Variants in CCSER1 observed in about 807,000 individuals in gnomAD.
CCSER1 encodes serine-rich coiled-coil domain-containing protein 1.
CCSER1 carries 41 observed loss-of-function variants against 82.0 expected under a neutral mutation model. That is an observed-to-expected ratio of 0.50 (90% CI 0.39 to 0.65). The LOEUF (loss-of-function observed/expected upper bound fraction) is 0.65. Among genes scored for constraint, CCSER1 ranks in the 30% least tolerant of loss-of-function variants. CCSER1 has a pLI of 0.00. For missense variants in CCSER1, 1,119 were observed against 1,064.2 expected, an observed-to-expected ratio of 1.05 and a Z score of -0.72; for synonymous variants, 414 against 383.9, an observed-to-expected ratio of 1.08 and a Z score of -0.92.
chr4:90,184,340 G>T (rs944447823), intron 1 of CCSER1, among the ~76,000 whole-genome samples: 1 of 152,130 alleles, frequency 6.6e-6, no homozygotes, highest in African/African-American at 2.4e-5. Context: ...AGAAAGATTT[G>T]CACCAAAGAG....
chr4:91,082,126 A>G (rs1722829251), intron 9 of CCSER1, among the ~76,000 whole-genome samples: 1 of 152,198 alleles, frequency 6.6e-6, no homozygotes, highest in Non-Finnish European at 1.5e-5. Flanking sequence ...AAGCCAAAAG[A>G]ACAAAGTTGG....
intron 5 of CCSER1, among the ~76,000 whole-genome samples, chr4:90,507,432 CA>C (rs1770858026): frequency 6.6e-6 from 1 of 151,628 alleles, no homozygotes; most frequent in Non-Finnish European, 1.5e-5. Context: ...CAAACTGTGA[CA>C]GTTAATCTCT....
chr4:90,407,388 G>T (rs985718691), intron 4 of CCSER1, among the ~76,000 whole-genome samples: 1 of 152,144 alleles, frequency 6.6e-6, no homozygotes, highest in Non-Finnish European at 1.5e-5. Flanking sequence ...AAAAGTTTAG[G>T]ACCAGATGGA....
chr4:90,829,448 T>A (rs1389375334), intron 8 of CCSER1, among the ~76,000 whole-genome samples: 1 of 152,054 alleles, frequency 6.6e-6, no homozygotes, highest in African/African-American at 2.4e-5. Flanking sequence ...AAAATAAATT[T>A]AAAATGCCAA....
At chr4:90,157,828 T>C (rs1427986409) in intron 1 of CCSER1, among the ~76,000 whole-genome samples, 1 of 152,210 alleles carries the variant, frequency 6.6e-6, no homozygotes, top group Non-Finnish European at 1.5e-5. Flanking sequence ...AATTTCCTCC[T>C]GTAGCTCGGA....
intron 4 of CCSER1, among the ~76,000 whole-genome samples, chr4:90,421,168 A>G (rs1451448019): frequency 1.3e-5 from 2 of 152,212 alleles, no homozygotes; most frequent in Non-Finnish European, 2.9e-5. Flanking sequence ...TCACACAATT[A>G]CAACAAATTA....
intron 5 of CCSER1, among the ~76,000 whole-genome samples, chr4:90,548,940 T>A (rs991231020): frequency 3.3e-5 from 5 of 152,032 alleles, no homozygotes; most frequent in Admixed American, 3.3e-4. Context: ...TGAATCAAGA[T>A]TGAGTTGGTT....
At chr4:90,935,164 A>C (rs1730774568) in intron 9 of CCSER1, among the ~76,000 whole-genome samples, 1 of 152,084 alleles carries the variant, frequency 6.6e-6, no homozygotes, top group Non-Finnish European at 1.5e-5. Context: ...CATTGCCTCC[A>C]ACTCTCATGC....
chr4:90,233,771 C>CTTCAAA (rs1745194733), intron 1 of CCSER1, among the ~76,000 whole-genome samples: 2 of 149,842 alleles, frequency 1.3e-5, no homozygotes, highest in Non-Finnish European at 3.0e-5. Context: ...AATCATGGTG[C>CTTCAAA]TGTTTATTAT....
chr4:91,146,607 G>C (rs907815598), intron 10 of CCSER1, among the ~76,000 whole-genome samples: 2 of 151,102 alleles, frequency 1.3e-5, no homozygotes, highest in Non-Finnish European at 2.9e-5. Context: ...GCTGTTGTTT[G>C]TATAGGGCTT....
chr4:91,209,823 T>A (rs974227989), intron 10 of CCSER1, among the ~76,000 whole-genome samples: 2 of 151,652 alleles, frequency 1.3e-5, no homozygotes, highest in African/African-American at 4.8e-5. Flanking sequence ...GATGTATGCT[T>A]CCAAGCAAAA....
chr4:91,468,943 C>T (rs1757110042), intron 10 of CCSER1, among the ~76,000 whole-genome samples: 1 of 152,108 alleles, frequency 6.6e-6, no homozygotes, highest in African/African-American at 2.4e-5. Context: ...AAAATTCAAT[C>T]TCATATCTAA....
intron 1 of CCSER1, among the ~76,000 whole-genome samples, chr4:90,236,024 C>G (rs969905263): frequency 6.6e-6 from 1 of 152,150 alleles, no homozygotes; most frequent in African/African-American, 2.4e-5. Flanking sequence ...TTACTGCAGC[C>G]TTGACCTCCC....
chr4:91,364,667 C>G (rs558231143), intron 10 of CCSER1, among the ~76,000 whole-genome samples: 1 of 152,094 alleles, frequency 6.6e-6, no homozygotes, highest in South Asian at 2.1e-4. Context: ...AAGTCTTTCT[C>G]TTTCTGATAC....
At chr4:90,831,687 C>G (rs1018446489) in intron 8 of CCSER1, among the ~76,000 whole-genome samples, 1 of 152,254 alleles carries the variant, frequency 6.6e-6, no homozygotes, top group East Asian at 1.9e-4. Context: ...ATCTCAACAA[C>G]TAATGTTGCT....
intron 1 of CCSER1, among the ~76,000 whole-genome samples, chr4:90,188,229 G>A (rs78669386): frequency 0.024 from 3,599 of 151,670 alleles, 144 homozygotes; most frequent in African/African-American, 0.082. Flanking sequence ...TTCCTCTAGG[G>A]TATCTTTTAA....
At chr4:90,310,765 A>G (rs1041109540) in intron 2 of CCSER1, among the ~76,000 whole-genome samples, 7 of 152,128 alleles carry the variant, frequency 4.6e-5, no homozygotes, top group African/African-American at 1.4e-4. Flanking sequence ...CATGACTTAA[A>G]ATATTAAATA....
At chr4:90,387,703 G>C (rs1750278649) in intron 3 of CCSER1, among the ~76,000 whole-genome samples, 1 of 152,134 alleles carries the variant, frequency 6.6e-6, no homozygotes, top group African/African-American at 2.4e-5. Context: ...GCTCAGGCAA[G>C]CTTCCCTTTT....
intron 5 of CCSER1, among the ~76,000 whole-genome samples, chr4:90,591,014 G>C (rs536544305): frequency 6.6e-6 from 1 of 151,982 alleles, no homozygotes; most frequent in African/African-American, 2.4e-5. Context: ...GGTCCTTCAC[G>C]TCCCTTGTAA....
Sources: allele counts gnomAD v4.1 joint callset (sites outside exome capture counted in the v4.1 genomes callset), GRCh38; gene constraint gnomAD v4.1.1; transcripts MANE v1.5; gene names NCBI Gene and HGNC (gene_info 2026-07-23, HGNC 2026-07-21).